The following ULK4 variants were observed in gnomAD, a reference collection of about 807,000 sequenced individuals.
ULK4 encodes the protein inactive serine/threonine-protein kinase ULK4.
In ULK4, 133 loss-of-function variants were observed where a neutral mutation model predicts 160.6. That is an observed-to-expected ratio of 0.83 (90% CI 0.72 to 0.96). ULK4 has a LOEUF of 0.96. Among genes scored for constraint, ULK4 ranks in the 40% least tolerant of loss-of-function variants. The pLI, the probability that ULK4 is intolerant of heterozygous loss-of-function variation, is 0.00. For synonymous variants in ULK4, 534 were observed against 539.8 expected (o/e 0.99, Z 0.15); for missense variants, 1,580 against 1,499.5 (o/e 1.05, Z -0.89).
intron 18 of ULK4, among the ~76,000 whole-genome samples, chr3:41,823,928 T>G (rs1575771495): frequency 6.6e-6 from 1 of 152,214 alleles, no homozygotes; most frequent in Non-Finnish European, 1.5e-5. Flanking sequence ...TTTGGAAGAC[T>G]GAGGCAGGCA....
At chr3:41,911,855 T>G (rs1214420407) in intron 9 of ULK4, among the ~76,000 whole-genome samples, 196 bp from the exon 10 acceptor site, 2 of 152,140 alleles carry the variant, frequency 1.3e-5, no homozygotes, top group Non-Finnish European at 2.9e-5. Context: ...CTGTAGTCCC[T>G]CAAGATCCAG....
At chr3:41,594,043 G>T (rs79854576) in intron 31 of ULK4, among the ~76,000 whole-genome samples, 1 of 151,698 alleles carries the variant, frequency 6.6e-6, no homozygotes. Flanking sequence ...AGACTGTGTC[G>T]AAAGAGAGAA....
intron 22 of ULK4, among the ~76,000 whole-genome samples, chr3:41,751,872 GAGGTGAGTGCAT>G (rs1245932658): frequency 1.3e-5 from 2 of 152,170 alleles, no homozygotes; most frequent in African/African-American, 2.4e-5. Flanking sequence ...GAAGAGCCCT[GAGGTGAGTGCAT>G]AGGCTTAGTG....
intron 17 of ULK4, among the ~76,000 whole-genome samples, chr3:41,842,190 T>TA (rs908969064): frequency 1.1e-4 from 8 of 71,936 alleles, no homozygotes; most frequent in Non-Finnish European, 2.5e-4. Flanking sequence ...AAAAAAAAAA[T>TA]AAAAAAAAAG....
intron 25 of ULK4, among the ~76,000 whole-genome samples, chr3:41,714,826 T>A (rs2037209840): frequency 7.1e-6 from 1 of 140,436 alleles, no homozygotes; most frequent in South Asian, 2.1e-4. Flanking sequence ...CACTCCAGCC[T>A]GGGCAACAGA....
At chr3:41,690,284 A>C (rs1352250572) in intron 27 of ULK4, among the ~76,000 whole-genome samples, 1 of 151,210 alleles carries the variant, frequency 6.6e-6, no homozygotes, top group African/African-American at 2.4e-5. Context: ...CACTCCGGGG[A>C]CTGTTGTGGG....
chr3:41,466,256 G>A (rs2083832053), intron 32 of ULK4, among the ~76,000 whole-genome samples: 2 of 152,162 alleles, frequency 1.3e-5, no homozygotes, highest in Admixed American at 1.3e-4. Context: ...AGAGTCCATG[G>A]TCTGAGCATT....
chr3:41,764,598 T>A (rs1215261914), intron 21 of ULK4, among the ~76,000 whole-genome samples: 1 of 152,114 alleles, frequency 6.6e-6, no homozygotes, highest in Non-Finnish European at 1.5e-5. Context: ...AAGAGAAATG[T>A]AGGACTTAGA....
intron 35 of ULK4, among the ~76,000 whole-genome samples, chr3:41,288,940 G>A (rs769262401): frequency 6.6e-6 from 1 of 152,146 alleles, no homozygotes; most frequent in East Asian, 1.9e-4. Flanking sequence ...TCAGGTTCAC[G>A]ATGGAGCAGG....
At chr3:41,800,857 C>T (rs1267142071) in intron 19 of ULK4, among the ~76,000 whole-genome samples, 2 of 152,124 alleles carry the variant, frequency 1.3e-5, no homozygotes. Flanking sequence ...AAAAGTTAGC[C>T]TCAAAAAGAT....
In ULK4 at chr3:41,842,344, T is replaced by C. The variant is rs566724645; in HGVS notation, c.1657-6373A>G. On this transcript the variant is annotated intron_variant, in intron 17 of 36. Coordinates refer to ENST00000301831, the MANE Select transcript of ULK4 (RefSeq NM_017886.4). ...AGAAAAAAAATGGTTGCAATTATTC[T>C]ACCTGGTTTCAAGACTTATACAGCT... Among the ~76,000 whole-genome samples the C allele has an allele frequency of 1.0e-3, 153 of 152,286 alleles. 8 individuals carry two copies. In the South Asian group the frequency reaches 0.03, roughly 30 times the overall value.
chr3:41,592,493 A>C (rs1262813186), intron 31 of ULK4, among the ~76,000 whole-genome samples: 1 of 152,162 alleles, frequency 6.6e-6, no homozygotes, highest in African/African-American at 2.4e-5. Context: ...GGTGCACCAA[A>C]ATCTCACAGA....
intron 18 of ULK4, among the ~76,000 whole-genome samples, chr3:41,820,246 T>C (rs12639255): frequency 0.25 from 38,754 of 152,032 alleles, 6,117 homozygotes; most frequent in African/African-American, 0.45. Context: ...CTATGAAAAA[T>C]AGTTTGGAGA....
chr3:41,844,587 C>T (rs531873952), intron 17 of ULK4, among the ~76,000 whole-genome samples: 80 of 152,314 alleles, frequency 5.3e-4, no homozygotes, highest in African/African-American at 1.9e-3. Context: ...CGGCTCCAGC[C>T]TTGGCCAGCC....
intron 17 of ULK4, among the ~76,000 whole-genome samples, chr3:41,869,925 A>AT: frequency 6.6e-6 from 1 of 152,230 alleles, no homozygotes; most frequent in East Asian, 1.9e-4. Context: ...TAATTTACTC[A>AT]TTTTTTTCCT....
Position 41,323,391 on chromosome 3 carries a change from A to AACACACACAC in ULK4, c.3679-73827_3679-73818dup, listed in dbSNP as rs34357899. Reference sequence around the variant, plus strand: ...AAATCCCGACCCCTTCCTGAACAATAACACACACACACACACACACACACA... The same window carrying AACACACACAC: ...AAATCCCGACCCCTTCCTGAACAATAACACACACACACACACACACACACACACACACACA... On this transcript the variant is annotated intron_variant, in intron 35 of 36. Coordinates refer to ENST00000301831, the MANE Select transcript of ULK4 (RefSeq NM_017886.4). Among the ~76,000 whole-genome samples, 908 of 120,298 alleles carry AACACACACAC rather than the reference A, an allele frequency of 7.5e-3. 4 individuals are homozygous for AACACACACAC. Among genetic ancestry groups the AACACACACAC allele is most frequent in the East Asian group, 0.011 (44 of 3,902 alleles). 78.9% of individuals were successfully genotyped at this position (120,298 alleles called of 152,430 possible).
At chr3:41,820,740 C>A (rs6783001) in intron 18 of ULK4, among the ~76,000 whole-genome samples, 47,904 of 151,972 alleles carry the variant, frequency 0.32, 11,121 homozygotes, top group African/African-American at 0.66. Context: ...CCAATCTATT[C>A]ATGTAACAAA....
intron 35 of ULK4, among the ~76,000 whole-genome samples, chr3:41,327,113 T>A (rs192324058): frequency 6.6e-6 from 1 of 152,338 alleles, no homozygotes; most frequent in African/African-American, 2.4e-5. Context: ...ATTTATTTTA[T>A]TTCTTTTGGT....
chr3:41,627,449 C>T (rs1022828423), intron 30 of ULK4, among the ~76,000 whole-genome samples: 2 of 152,170 alleles, frequency 1.3e-5, no homozygotes, highest in African/African-American at 4.8e-5. Flanking sequence ...ACACAAGAGG[C>T]GTAAGTCCCG....
Sources: gnomAD v4.1 joint callset for allele counts (sites outside exome capture counted in the v4.1 genomes callset) on GRCh38, gnomAD v4.1.1 for gene constraint, MANE v1.5 for transcripts, NCBI Gene and HGNC (gene_info 2026-07-23, HGNC 2026-07-21) for gene names.